XKR4: variants seen among roughly 807,000 people sequenced by gnomAD.
XKR4 encodes XK-related protein 4.
Under a neutral mutation model 53.9 loss-of-function variants are expected in XKR4, and 12 were observed. That is an observed-to-expected ratio of 0.22 (90% CI 0.14 to 0.36). The LOEUF (loss-of-function observed/expected upper bound fraction) is 0.36. Among genes scored for constraint, XKR4 ranks in the 10% least tolerant of loss-of-function variants. XKR4 has a pLI of 1.00. For missense variants in XKR4, 799 were observed against 859.5 expected, an observed-to-expected ratio of 0.93 and a Z score of 0.88; for synonymous variants, 354 against 362.4, an observed-to-expected ratio of 0.98 and a Z score of 0.26.
chr8:55,320,724 C>G (rs1238984935), intron 1 of XKR4, among the ~76,000 whole-genome samples: 1 of 152,036 alleles, frequency 6.6e-6, no homozygotes, highest in Admixed American at 6.5e-5. Context: ...TAACAGATAC[C>G]AAATCATTTG....
chr8:55,303,147 T>C (rs1819230379), intron 1 of XKR4, among the ~76,000 whole-genome samples: 2 of 152,198 alleles, frequency 1.3e-5, no homozygotes, highest in African/African-American at 4.8e-5. Context: ...CATAGATAGA[T>C]CTTATTATTT....
chr8:55,335,298 T>C (rs542641700), intron 1 of XKR4, among the ~76,000 whole-genome samples: 5 of 152,296 alleles, frequency 3.3e-5, no homozygotes, highest in African/African-American at 4.8e-5. Flanking sequence ...CAAAATGACT[T>C]ATTATAGAAT....
chr8:55,237,809 G>A (rs7462267), intron 1 of XKR4, among the ~76,000 whole-genome samples: 50,207 of 152,058 alleles, frequency 0.33, 10,047 homozygotes, highest in Non-Finnish European at 0.44. Flanking sequence ...TTCATTTTCT[G>A]TTACTTCACC....
At chr8:55,295,094 T>G (rs968392375) in intron 1 of XKR4, among the ~76,000 whole-genome samples, 4 of 152,206 alleles carry the variant, frequency 2.6e-5, no homozygotes, top group Non-Finnish European at 5.9e-5. Context: ...ATTATTCACA[T>G]ATTAATACTG....
intron 1 of XKR4, among the ~76,000 whole-genome samples, chr8:55,340,569 T>A (rs182666852): frequency 6.6e-6 from 1 of 152,350 alleles, no homozygotes; most frequent in African/African-American, 2.4e-5. Context: ...CTGACACCAG[T>A]GATCCCAAAG....
chr8:55,203,547 G>A (rs530936699), intron 1 of XKR4, among the ~76,000 whole-genome samples: 2 of 152,138 alleles, frequency 1.3e-5, no homozygotes, highest in Non-Finnish European at 2.9e-5. Context: ...CTGTGTGTAC[G>A]ATAAGCTTCC....
At chr8:55,365,420 G>A (rs1439986666) in intron 2 of XKR4, among the ~76,000 whole-genome samples, 2 of 152,174 alleles carry the variant, frequency 1.3e-5, no homozygotes, top group Admixed American at 1.3e-4. Flanking sequence ...TTTTAAAGAA[G>A]GGGGCTGGAC....
chr8:55,492,932 G>C (rs919507746), intron 2 of XKR4, among the ~76,000 whole-genome samples: 1 of 152,202 alleles, frequency 6.6e-6, no homozygotes, highest in African/African-American at 2.4e-5. Context: ...TGTGAGCACT[G>C]TGCCAGCACA....
At chr8:55,141,292 C>G (rs1208492737) in intron 1 of XKR4, among the ~76,000 whole-genome samples, 1 of 152,178 alleles carries the variant, frequency 6.6e-6, no homozygotes, top group African/African-American at 2.4e-5. Flanking sequence ...CCTCTCCAGA[C>G]GCATCTCCTG....
At chr8:55,453,275 G>A (rs1805486000) in intron 2 of XKR4, 1 of 489,228 alleles carries the variant, frequency 2.0e-6, no homozygotes, top group Non-Finnish European at 4.2e-6. Flanking sequence ...GTCCAGAGAA[G>A]TGCAGTCCTG....
chr8:55,507,978 G>T (rs550640955), intron 2 of XKR4, among the ~76,000 whole-genome samples: 1 of 152,190 alleles, frequency 6.6e-6, no homozygotes, highest in South Asian at 2.1e-4. Context: ...GTGTAAAAGT[G>T]TTCCTATTTC....
intron 1 of XKR4, among the ~76,000 whole-genome samples, chr8:55,138,521 T>C (rs1258991692): frequency 1.3e-5 from 2 of 152,230 alleles, no homozygotes; most frequent in Non-Finnish European, 2.9e-5. Context: ...TATATTAATA[T>C]AACAGTGGTT....
chr8:55,171,172 T>A (rs1817151092), intron 1 of XKR4, among the ~76,000 whole-genome samples: 1 of 152,214 alleles, frequency 6.6e-6, no homozygotes, highest in Admixed American at 6.5e-5. Flanking sequence ...GAAGATGATT[T>A]TCAGTACCTA....
chr8:55,356,696 G>A (rs941354810), intron 1 of XKR4, among the ~76,000 whole-genome samples: 5 of 152,056 alleles, frequency 3.3e-5, no homozygotes, highest in African/African-American at 9.7e-5. Context: ...AAATAATTTG[G>A]TGACAGGACG....
chr8:55,105,375 G>A (rs978578703), intron 1 of XKR4, among the ~76,000 whole-genome samples: 1 of 152,042 alleles, frequency 6.6e-6, no homozygotes, highest in African/African-American at 2.4e-5. Context: ...GGGAGAGAAG[G>A]GATGGAAGGG....
At chr8:55,387,284 TC>T (rs1269907945) in intron 2 of XKR4, among the ~76,000 whole-genome samples, 1 of 152,210 alleles carries the variant, frequency 6.6e-6, no homozygotes, top group African/African-American at 2.4e-5. Flanking sequence ...CTGTAAAACC[TC>T]CTGGGGATCT....
chr8:55,464,092 T>C (rs1005859896), intron 2 of XKR4, among the ~76,000 whole-genome samples: 13 of 152,104 alleles, frequency 8.5e-5, no homozygotes, highest in African/African-American at 1.5e-4. Flanking sequence ...TTCCAATCTA[T>C]AGAAAAAGAG....
intron 2 of XKR4, among the ~76,000 whole-genome samples, chr8:55,437,952 A>G (rs965125379): frequency 1.1e-5 from 1 of 91,736 alleles, no homozygotes; most frequent in Non-Finnish European, 2.1e-5. Flanking sequence ...CAAACAAACA[A>G]ACAAAAAAAA....
At chr8:55,459,597 T>A (rs1371590835) in intron 2 of XKR4, among the ~76,000 whole-genome samples, 1 of 151,818 alleles carries the variant, frequency 6.6e-6, no homozygotes, top group African/African-American at 2.4e-5. Flanking sequence ...AACAATTCAA[T>A]AAAAATAGAT....
Sources: gnomAD v4.1 joint callset for allele counts (sites outside exome capture counted in the v4.1 genomes callset) on GRCh38, gnomAD v4.1.1 for gene constraint, MANE v1.5 for transcripts, NCBI Gene and HGNC (gene_info 2026-07-23, HGNC 2026-07-21) for gene names.